CEP290: variants seen among roughly 807,000 people sequenced by gnomAD.
The protein encoded by CEP290 is centrosomal protein 290.
In CEP290, 317 loss-of-function variants were observed where a neutral mutation model predicts 344.9. That is an observed-to-expected ratio of 0.92 (90% CI 0.84 to 1.01). The LOEUF (loss-of-function observed/expected upper bound fraction) is 1.01. Ranked by LOEUF, CEP290 falls within the 50% of genes least tolerant of loss-of-function variation. The probability of loss-of-function intolerance (pLI) is 0.00; values close to 1 mark genes in which losing one functional copy is unlikely to be tolerated. For missense variants in CEP290, 2,754 were observed against 2,761.4 expected, an observed-to-expected ratio of 1.00 and a Z score of 0.06; for synonymous variants, 932 against 895.8, an observed-to-expected ratio of 1.04 and a Z score of -0.72.
rs370395204 is a variant in CEP290, at chr12:88,089,274, G to A, written c.3787C>T (p.Leu1263=). Residue 1263 remains leucine, a synonymous_variant, in exon 31 of 54, where the codon CTG becomes TTG. Coordinates refer to ENST00000552810, the MANE Select transcript of CEP290 (RefSeq NM_025114.4). ...CGTAGAGACTGAATTGTTTGGCGCA[G>A]ATGTTTTGCTCTGTTTCTTCCCTCC... ...RLEGRNRAKH[L]RQTIQSLRRQ... 5 of 1,613,876 alleles carry A rather than the reference G, an allele frequency of 3.1e-6. No homozygotes were observed. The highest frequency in any genetic ancestry group is 4.2e-6 in the Non-Finnish European group (5 of 1,179,880).
At chr12:88,104,130 G>A (rs925405926) in intron 25 of CEP290, 5 of 151,990 alleles carry the variant, frequency 3.3e-5, no homozygotes, top group African/African-American at 9.6e-5. Flanking sequence ...CTTATTACAT[G>A]TCTGAATAAA....
Position 88,049,316 on chromosome 12 carries a change from C to T in CEP290, c.7308G>A (p.Lys2436=), listed in dbSNP as rs2136545903. The change falls in exon 54 of 54, where the codon AAG becomes AAA. Residue 2436 remains lysine (K), a synonymous_variant. Transcript: ENST00000552810. ...CCTTCTCTTCTAAGAGAATATTCTT[C>T]TTCACTTCTTCCTTGTAATTATACT... ...DLKYNYKEEV[K]KNILLEEKVK... 6.3e-7 allele frequency: 1 copy of T among 1,584,564 alleles called. No homozygotes were observed. Among genetic ancestry groups the T allele is most frequent in the Admixed American group, 1.7e-5 (1 of 59,298 alleles).
intron 45 of CEP290, 54 bp downstream of exon 45, chr12:88,063,927 A>T: frequency 6.9e-7 from 1 of 1,444,678 alleles, no homozygotes. Context: ...AAACATAACA[A>T]CTAAGGAAGG....
intron 26 of CEP290, among the ~76,000 whole-genome samples, chr12:88,099,004 A>G (rs1189827094): frequency 6.6e-6 from 1 of 152,214 alleles, no homozygotes; most frequent in East Asian, 1.9e-4. Context: ...CGTATAAAAG[A>G]AAACAATTTA....
At chr12:88,139,112 C>T in intron 5 of CEP290, 33 bp downstream of exon 5, 1 of 1,089,890 alleles carries the variant, frequency 9.2e-7, no homozygotes, top group Non-Finnish European at 1.4e-6. Flanking sequence ...AAATTAATGA[C>T]AATTACATCC....
chr12:88,093,566 A>T (rs934399497), intron 28 of CEP290: 3 of 498,250 alleles, frequency 6.0e-6, no homozygotes, highest in African/African-American at 5.8e-5. Flanking sequence ...ATAATATAAC[A>T]TTGGTGAGAA....
intron 29 of CEP290, among the ~76,000 whole-genome samples, chr12:88,091,676 T>A (rs563569842): frequency 2.2e-4 from 33 of 151,732 alleles, no homozygotes; most frequent in Non-Finnish European, 2.8e-4. Flanking sequence ...TCAATTTTTT[T>A]AAAAAAAAGG....
chr12:88,109,372 C>A lies in CEP290; in HGVS notation c.2368-191G>T, dbSNP rs565798624. Reference sequence around the variant, plus strand: ...TAAGGCATAAAAAAAGAGTACTATACAACAGGTAAAGTTATTTTTAGCACA... The same window carrying A: ...TAAGGCATAAAAAAAGAGTACTATAAAACAGGTAAAGTTATTTTTAGCACA... On this transcript the variant is annotated intron_variant, in intron 22 of 53. Transcript: ENST00000552810. 4.6e-5 allele frequency among the ~76,000 whole-genome samples: 7 copies of A among 152,202 alleles called. No individual in the cohort carries two copies. The South Asian group carries it at 8.3e-4, about 18-fold the overall frequency.
chr12:88,102,642 T>A (rs1185757683), intron 26 of CEP290, among the ~76,000 whole-genome samples, 196 bp downstream of exon 26: 2 of 4,624 alleles, frequency 4.3e-4, no homozygotes, highest in African/African-American at 4.9e-4. Flanking sequence ...GATAATATAT[T>A]GTGTGTGTGT....
chr12:88,073,772 T>C (rs751731974), intron 41 of CEP290, among the ~76,000 whole-genome samples: 1 of 151,766 alleles, frequency 6.6e-6, no homozygotes, highest in Admixed American at 6.6e-5. Flanking sequence ...TCTCAAAAAA[T>C]TAAAAAAATA....
At chr12:88,071,703 C>A in intron 42 of CEP290, 78 bp downstream of exon 42, 1 of 1,113,432 alleles carries the variant, frequency 9.0e-7, no homozygotes. Flanking sequence ...ATATTATCAA[C>A]TATGATAAAG....
chr12:88,086,509 G>A lies in CEP290; in HGVS notation c.4195-11C>T. On this transcript the variant is annotated splice_polypyrimidine_tract_variant and intron_variant, in intron 32 of 53. Coordinates refer to ENST00000552810, the MANE Select transcript of CEP290 (RefSeq NM_025114.4). ...TCTTTCTTCATGAAACTAAAAAAAG[G>A]ACAATTTGTGTCAGACACATACACG... The A allele has an allele frequency of 6.4e-7, 1 of 1,565,648 alleles. No individual in the cohort carries two copies. Among genetic ancestry groups the A allele is most frequent in the Non-Finnish European group, 8.7e-7 (1 of 1,150,734 alleles).
intron 27 of CEP290, 86 bp from the exon 28 acceptor site, chr12:88,094,061 T>C: frequency 9.6e-7 from 1 of 1,037,302 alleles, no homozygotes; most frequent in South Asian, 1.7e-5. Context: ...TTAGAAAGCA[T>C]TATAGTTCCA....
intron 26 of CEP290, among the ~76,000 whole-genome samples, chr12:88,099,699 AT>A (rs944968230): frequency 1.3e-5 from 2 of 152,150 alleles, no homozygotes; most frequent in Non-Finnish European, 2.9e-5. Context: ...ATAATAATAT[AT>A]TTTTTAAGTA....
chr12:88,130,020 T>C, intron 9 of CEP290, 144 bp from the exon 10 acceptor site: 2 of 647,484 alleles, frequency 3.1e-6, no homozygotes, highest in South Asian at 2.5e-5. Context: ...CATTGACCAA[T>C]TAAATCAAAT....
chr12:88,087,829 TA>T lies in CEP290; in HGVS notation c.4144del (p.Tyr1382MetfsTer37), dbSNP rs764494384. ...TTCAAGACTGCTGATTGTACGTTCA[TA>T]TTCAGAAATTATGTTATTCAAATAT... is the stretch of plus-strand genomic sequence containing the variant. ...IKYLNNIISE[Y>X]ERTISSLEEE... On this transcript the variant is annotated frameshift_variant, in exon 32 of 54. Coordinates refer to ENST00000552810, the MANE Select transcript of CEP290 (RefSeq NM_025114.4). LOFTEE classifies it high-confidence loss of function. 14 of 1,289,694 alleles carry T rather than the reference TA, an allele frequency of 1.1e-5. No homozygotes were observed. The highest frequency in any genetic ancestry group is 1.4e-5 in the Non-Finnish European group (14 of 1,000,994). The allele number at this position is 1,289,694 out of a possible 1,614,324, so 79.9% of individuals were successfully genotyped here.
chr12:88,129,998 T>C, intron 9 of CEP290, 122 bp from the exon 10 acceptor site: 1 of 677,604 alleles, frequency 1.5e-6, no homozygotes, highest in Non-Finnish European at 2.3e-6. Flanking sequence ...TTTATAGACC[T>C]TTACTAATTG....
rs768864296 is a variant in CEP290, at chr12:88,089,352, G to A, written c.3709C>T (p.Arg1237Cys). 1.6e-5 allele frequency: 26 copies of A among 1,613,742 alleles called. No individual in the cohort carries two copies. In the Middle Eastern group the frequency reaches 4.9e-4, roughly 31 times the overall value. Residue 1237 changes from arginine (R) to cysteine (C), a missense_variant, in exon 31 of 54, where the codon CGC becomes TGC. Physicochemically the swap from Arg to Cys is radical, Grantham distance 180. Transcript: ENST00000552810. ...TTTTCATCAAGTTTCTGCTCTAAGC[G>A]CAAGTTGTAGGCCTCCATCTTCTGC... ...KLQKMEAYNLRLEQKLDEKEQ... is the reference protein window; with the variant it reads ...KLQKMEAYNLCLEQKLDEKEQ...
chr12:88,053,594 AGGCAAACCCAAATTC>A, intron 52 of CEP290, 43 bp downstream of exon 52: 15 of 763,632 alleles, frequency 2.0e-5, no homozygotes, highest in Admixed American at 7.9e-5. Flanking sequence ...AAAAAAAAAA[AGGCAAACCCAAATTC>A]AAAAACTTGG....
Sources: allele counts gnomAD v4.1 joint callset (sites outside exome capture counted in the v4.1 genomes callset), GRCh38; gene constraint gnomAD v4.1.1; transcripts MANE v1.5; gene names NCBI Gene and HGNC (gene_info 2026-07-23, HGNC 2026-07-21).